GRK5: variants seen among roughly 807,000 people sequenced by gnomAD.
GRK5 encodes the protein G protein-coupled receptor kinase 5, also known as g protein-coupled receptor kinase GRK5.
A neutral mutation model predicts 78.4 loss-of-function variants in GRK5; 40 were observed. The ratio of observed to expected loss-of-function variants is 0.51; its 90% CI spans 0.40 to 0.66. GRK5 has a LOEUF of 0.66. Among genes scored for constraint, GRK5 ranks in the 30% least tolerant of loss-of-function variants. GRK5 has a pLI of 0.00. For synonymous variants in GRK5, 289 were observed against 296.8 expected, an observed-to-expected ratio of 0.97 and a Z score of 0.27; for missense variants, 598 against 759.9, an observed-to-expected ratio of 0.79 and a Z score of 2.50.
intron 9 of GRK5, among the ~76,000 whole-genome samples, chr10:119,439,514 T>G (rs575711411): frequency 1.3e-5 from 2 of 152,262 alleles, no homozygotes. Context: ...GATTGGGAAA[T>G]GCCTGTGGCA....
intron 1 of GRK5, among the ~76,000 whole-genome samples, chr10:119,292,970 T>C (rs1372670042): frequency 2.0e-5 from 3 of 152,176 alleles, no homozygotes; most frequent in Admixed American, 6.5e-5. Context: ...CCTCTAATCA[T>C]TGAATACTGG....
chr10:119,427,335 T>A (rs62653142), intron 6 of GRK5, among the ~76,000 whole-genome samples: 3,778 of 43,286 alleles, frequency 0.087, 2 homozygotes, highest in Middle Eastern at 0.14. Flanking sequence ...ACTGCCTTCA[T>A]CAACATCACC....
chr10:119,361,166 A>ACCGGGCAGTGCTGT (rs1167891488), intron 2 of GRK5, among the ~76,000 whole-genome samples: 1 of 152,194 alleles, frequency 6.6e-6, no homozygotes, highest in Non-Finnish European at 1.5e-5. Flanking sequence ...GTCCAGCAGG[A>ACCGGGCAGTGCTGT]CCGGGCAGTG....
chr10:119,291,600 CTCT>C (rs1362356073), intron 1 of GRK5, among the ~76,000 whole-genome samples: 3 of 128,254 alleles, frequency 2.3e-5, no homozygotes, highest in African/African-American at 3.0e-5. Flanking sequence ...CCTCCTCCTC[CTCT>C]TCCTCCTCCT....
At chr10:119,315,501 A>T (rs1415697473) in intron 1 of GRK5, among the ~76,000 whole-genome samples, 1 of 152,164 alleles carries the variant, frequency 6.6e-6, no homozygotes, top group African/African-American at 2.4e-5. Flanking sequence ...AGGAGGCAGT[A>T]GACACAGGGG....
intron 2 of GRK5, among the ~76,000 whole-genome samples, chr10:119,328,310 G>T (rs1850713423): frequency 6.6e-6 from 1 of 152,202 alleles, no homozygotes; most frequent in African/African-American, 2.4e-5. Flanking sequence ...CTGAGACTTT[G>T]CAGGGGGCCT....
chr10:119,399,065 C>T (rs1366584721), intron 4 of GRK5, among the ~76,000 whole-genome samples: 1 of 152,234 alleles, frequency 6.6e-6, no homozygotes, highest in African/African-American at 2.4e-5. Flanking sequence ...ACCTCCCTAG[C>T]TCTGCTCAGC....
At chr10:119,284,923 C>T (rs1346196895) in intron 1 of GRK5, among the ~76,000 whole-genome samples, 1 of 152,252 alleles carries the variant, frequency 6.6e-6, no homozygotes, top group Non-Finnish European at 1.5e-5. Flanking sequence ...GCTCCCCATC[C>T]TGGGCTGCCT....
At chr10:119,377,447 G>A (rs1851642701) in intron 2 of GRK5, among the ~76,000 whole-genome samples, 1 of 152,152 alleles carries the variant, frequency 6.6e-6, no homozygotes, top group African/African-American at 2.4e-5. Context: ...GGATGATTTT[G>A]TTTTTGTGTG....
chr10:119,317,951 T>C (rs1386062777), intron 1 of GRK5, among the ~76,000 whole-genome samples: 1 of 152,036 alleles, frequency 6.6e-6, no homozygotes, highest in Non-Finnish European at 1.5e-5. Context: ...AAGTTACTGA[T>C]GCTGGCCCAT....
chr10:119,317,380 G>C (rs1011579300), intron 1 of GRK5, among the ~76,000 whole-genome samples: 1 of 149,590 alleles, frequency 6.7e-6, no homozygotes, highest in East Asian at 2.0e-4. Context: ...GTGTGTGTGT[G>C]TGTGCCCAAA....
intron 4 of GRK5, among the ~76,000 whole-genome samples, chr10:119,420,880 C>T (rs1040483795): frequency 6.6e-6 from 1 of 152,332 alleles, no homozygotes; most frequent in East Asian, 1.9e-4. Flanking sequence ...TGAGTCCTGC[C>T]TGGCTTCATC....
At chr10:119,233,962 C>G (rs1274225643) in intron 1 of GRK5, among the ~76,000 whole-genome samples, 2 of 152,134 alleles carry the variant, frequency 1.3e-5, no homozygotes, top group Admixed American at 1.3e-4. Flanking sequence ...TGTGTGAGTC[C>G]GGAAGTGGAT....
intron 2 of GRK5, among the ~76,000 whole-genome samples, chr10:119,353,371 T>C (rs935321780): frequency 1.1e-4 from 16 of 152,224 alleles, no homozygotes; most frequent in African/African-American, 1.9e-4. Context: ...TCCAAGTAAA[T>C]AGTCTTGGAA....
intron 4 of GRK5, among the ~76,000 whole-genome samples, chr10:119,419,640 A>G (rs1371661273): frequency 1.3e-5 from 2 of 152,190 alleles, no homozygotes; most frequent in Non-Finnish European, 1.5e-5. Context: ...CTGCCAGCCA[A>G]TCCAAAGTAT....
At position 119,267,271 on chromosome 10, in the gene GRK5, CAG is replaced by C. The variant is rs1249781101; in HGVS notation, c.53-59244_53-59243del. ...AAAAAAAAAATTCTTTTTGCAGTGA[CAG>C]GGTCTGCCTGTGTTGCCCAGGCTGG... is the stretch of plus-strand genomic sequence containing the variant. On this transcript the variant is annotated intron_variant, in intron 1 of 15. Transcript: ENST00000392870. The surrounding 1 kb of genome is among the most constrained non-coding windows in gnomAD (Gnocchi z 4.1). 6.6e-6 allele frequency among the ~76,000 whole-genome samples: 1 copy of C among 152,110 alleles called. No homozygotes were observed. The highest frequency in any genetic ancestry group is 1.5e-5 in the Non-Finnish European group (1 of 68,006).
intron 1 of GRK5, among the ~76,000 whole-genome samples, chr10:119,225,734 G>A (rs1319345312): frequency 2.0e-5 from 3 of 149,272 alleles, no homozygotes; most frequent in Admixed American, 6.7e-5. Flanking sequence ...GCAATGGCGC[G>A]ATCTTGGCTC....
chr10:119,261,518 A>G (rs551571683), intron 1 of GRK5, among the ~76,000 whole-genome samples: 22 of 151,690 alleles, frequency 1.5e-4, no homozygotes, highest in African/African-American at 4.9e-4. Context: ...AGAGGCTGCA[A>G]TCTCGGCACT....
Position 119,412,370 on chromosome 10 carries a change from C to A in GRK5, c.340-10796C>A, listed in dbSNP as rs12254134. Among the ~76,000 whole-genome samples the A allele has an allele frequency of 0.45, 67,768 of 151,992 alleles. 15,419 individuals carry two copies. Among genetic ancestry groups the A allele is most frequent in the East Asian group, 0.58 (2,982 of 5,150 alleles). ...ATCGCCTGGGCTGACCACGAGGACA[C>A]CCCGGTGAAGAGCTGGGCGTGCTTG... On this transcript the variant is annotated intron_variant, in intron 4 of 15. Transcript: ENST00000392870. This position sits in a 1 kb window ranked among gnomAD's most constrained non-coding sequence, Gnocchi z 4.3.
Sources: gnomAD v4.1 joint callset for allele counts (sites outside exome capture counted in the v4.1 genomes callset) on GRCh38, gnomAD v4.1.1 for gene constraint, Gnocchi (gnomAD v3.1) non-coding constraint, MANE v1.5 for transcripts, NCBI Gene and HGNC (gene_info 2026-07-23, HGNC 2026-07-21) for gene names.